UTP18: variants seen among roughly 807,000 people sequenced by gnomAD.
The protein encoded by UTP18 is UTP18 small subunit processome component, also known as U3 small nucleolar RNA-associated protein 18 homolog.
A neutral mutation model predicts 61.1 loss-of-function variants in UTP18; 36 were observed. That is an observed-to-expected ratio of 0.59 (90% CI 0.45 to 0.78). The LOEUF is 0.78. Ranked by LOEUF, UTP18 falls within the 30% of genes least tolerant of loss-of-function variation. UTP18 has a pLI of 0.00. For missense variants in UTP18, 753 were observed against 693.9 expected (o/e 1.09, Z -0.96); for synonymous variants, 282 against 251.1 (o/e 1.12, Z -1.16).
intron 5 of UTP18, among the ~76,000 whole-genome samples, chr17:51,275,121 C>G (rs1335864700): frequency 1.3e-5 from 2 of 150,434 alleles, no homozygotes; most frequent in African/African-American, 4.9e-5. Context: ...CACTTGAACC[C>G]AACAGGCAGA....
At chr17:51,287,434 A>C (rs1212215195) in intron 10 of UTP18, among the ~76,000 whole-genome samples, 2 of 152,188 alleles carry the variant, frequency 1.3e-5, no homozygotes, top group Non-Finnish European at 2.9e-5. Context: ...GTGGGGGAAT[A>C]AGCAAAGGAT....
At chr17:51,262,234 A>T (rs1262923333) in intron 1 of UTP18, among the ~76,000 whole-genome samples, 1 of 151,694 alleles carries the variant, frequency 6.6e-6, no homozygotes. Context: ...GGCGTGCGCC[A>T]CCACGCCTGG....
rs190837883 is a variant in UTP18, at chr17:51,297,625, A to G, written c.*15-157A>G. On this transcript the variant is annotated intron_variant, in intron 13 of 13. Transcript: ENST00000225298. ...AATGCAGATAGATTTAATTAGGACA[A>G]AGGATTTTTAAAGGTACAGGCATTT... Among the ~76,000 whole-genome samples, 3 of 152,334 alleles carry G rather than the reference A, an allele frequency of 2.0e-5. No individual in the cohort carries two copies. In the East Asian group the frequency reaches 5.8e-4, roughly 29 times the overall value.
Position 51,287,966 on chromosome 17 carries a change from A to G in UTP18, c.1329-63A>G, listed in dbSNP as rs1011927693. The G allele has an allele frequency of 3.2e-5, 41 of 1,272,370 alleles. No individual in the cohort carries two copies. In the South Asian group the frequency reaches 7.5e-4, roughly 23 times the overall value. 78.8% of individuals were successfully genotyped at this position (1,272,370 alleles called of 1,614,324 possible). On this transcript the variant is annotated intron_variant, in intron 10 of 13. Transcript: ENST00000225298. Reference sequence around the variant, plus strand: ...AGTTTGTGGGGTTAAATCTATATTCACTTAGGTTGTGAAAGCCCTTTTACT... The same window carrying G: ...AGTTTGTGGGGTTAAATCTATATTCGCTTAGGTTGTGAAAGCCCTTTTACT...
At position 51,280,411 on chromosome 17, in the gene UTP18, T is replaced by TC; in HGVS notation, c.1136_1137insC (p.Met379IlefsTer4). On this transcript the variant is annotated frameshift_variant, in exon 9 of 14. Coordinates refer to ENST00000225298, the MANE Select transcript of UTP18 (RefSeq NM_016001.3). LOFTEE classifies it high-confidence loss of function. The stretch of plus-strand genomic sequence containing the variant: ...TAGACCAAAGAACTGATTGGAAGCA[T>TC]GAAAATTAATGGAAGGGTTGCAGCA... 1.2e-6 allele frequency: 2 copies of TC among 1,614,178 alleles called. No individual in the cohort carries two copies.
intron 4 of UTP18, among the ~76,000 whole-genome samples, chr17:51,269,766 G>A (rs573448394): frequency 1.2e-3 from 180 of 152,206 alleles, no homozygotes; most frequent in Middle Eastern, 0.01. Flanking sequence ...GAATCTTAGT[G>A]ATGTGGCCTG....
intron 11 of UTP18, among the ~76,000 whole-genome samples, chr17:51,290,441 T>C (rs1281092009): frequency 2.0e-5 from 3 of 152,004 alleles, no homozygotes; most frequent in Non-Finnish European, 4.4e-5. Flanking sequence ...AACAACAAAA[T>C]GGTTTGCTGG....
intron 2 of UTP18, among the ~76,000 whole-genome samples, 175 bp from the exon 3 acceptor site, chr17:51,266,007 C>A (rs1216530648): frequency 6.6e-6 from 1 of 152,196 alleles, no homozygotes; most frequent in Non-Finnish European, 1.5e-5. Context: ...GAAATGTTGG[C>A]AACTACTTTT....
At position 51,268,828 on chromosome 17, in the gene UTP18, T is replaced by G; in HGVS notation, c.555-9T>G. Reference sequence around the variant, plus strand: ...GCCATAAATATATTTTTCAAATATTTTTGCTTAGATTCCAACATGCCATGG... The same window carrying G: ...GCCATAAATATATTTTTCAAATATTGTTGCTTAGATTCCAACATGCCATGG... On this transcript the variant is annotated splice_polypyrimidine_tract_variant and intron_variant, in intron 3 of 13. Coordinates refer to ENST00000225298, the MANE Select transcript of UTP18 (RefSeq NM_016001.3). 6.2e-7 allele frequency: 1 copy of G among 1,613,304 alleles called. No individual in the cohort carries two copies. The highest frequency in any genetic ancestry group is 8.5e-7 in the Non-Finnish European group (1 of 1,179,382).
At chr17:51,276,924 C>T (rs1175346061) in intron 6 of UTP18, among the ~76,000 whole-genome samples, 1 of 152,212 alleles carries the variant, frequency 6.6e-6, no homozygotes, top group Non-Finnish European at 1.5e-5. Context: ...AACCCAGAAG[C>T]TCTCTGAATA....
At chr17:51,262,421 AT>A (rs2144386814) in intron 1 of UTP18, among the ~76,000 whole-genome samples, 1 of 152,244 alleles carries the variant, frequency 6.6e-6, no homozygotes, top group African/African-American at 2.4e-5. Context: ...TATGGTATAA[AT>A]TTATAACTTT....
chr17:51,285,094 T>C (rs900298794), intron 9 of UTP18, 151 bp from the exon 10 acceptor site: 1 of 740,340 alleles, frequency 1.4e-6, no homozygotes, highest in Non-Finnish European at 2.1e-6. Flanking sequence ...AAAAGAAATA[T>C]TCTTAGTCCA....
intron 7 of UTP18, 37 bp from the exon 8 acceptor site, chr17:51,279,968 A>G: frequency 1.3e-6 from 2 of 1,516,818 alleles, no homozygotes; most frequent in Non-Finnish European, 1.8e-6. Flanking sequence ...TGAAAACTAT[A>G]TAAAACTTTA....
chr17:51,291,045 G>A (rs1052859717), intron 11 of UTP18, among the ~76,000 whole-genome samples: 2 of 152,180 alleles, frequency 1.3e-5, no homozygotes, highest in African/African-American at 4.8e-5. Context: ...TCAAGGATGA[G>A]CGAGCTTTTA....
At chr17:51,296,742 A>C in intron 12 of UTP18, 1 of 480,470 alleles carries the variant, frequency 2.1e-6, no homozygotes, top group Non-Finnish European at 3.7e-6. Context: ...TAGACCCCCC[A>C]TGTGAAACTT....
intron 7 of UTP18, among the ~76,000 whole-genome samples, 188 bp downstream of exon 7, chr17:51,277,492 T>C (rs190398967): frequency 2.4e-4 from 37 of 152,350 alleles, no homozygotes; most frequent in Admixed American, 2.4e-3. Context: ...ACTTTTTTAC[T>C]GAACACTTAC....
rs780858977 is a variant in UTP18, at chr17:51,277,293, A to G, written c.1001A>G (p.His334Arg). 1.9e-6 allele frequency: 3 copies of G among 1,614,028 alleles called. No homozygotes were observed. The highest frequency in any genetic ancestry group is 2.5e-6 in the Non-Finnish European group (3 of 1,179,950). The change falls in exon 7 of 14, where the codon CAT (histidine) becomes CGT (arginine). Residue 334 changes from histidine (H) to arginine (R), a missense_variant. Physicochemically the swap from His to Arg is conservative, Grantham distance 29. Coordinates refer to ENST00000225298, the MANE Select transcript of UTP18 (RefSeq NM_016001.3). The part of the protein sequence containing the change: ...DMLAGKLIPV[H>R]QVRGLKEKIV... ...CTGGCTGGAAAGTTAATTCCTGTGC[A>G]TCAAGTGAGAGGTAAGATTTCTGTT...
At chr17:51,265,505 C>T (rs1410816972) in intron 2 of UTP18, among the ~76,000 whole-genome samples, 15 of 151,138 alleles carry the variant, frequency 9.9e-5, no homozygotes, top group Non-Finnish European at 7.4e-5. Flanking sequence ...TTCAGTGATC[C>T]GCCTGTGTCT....
At chr17:51,288,429 C>T in intron 11 of UTP18, 1 of 523,040 alleles carries the variant, frequency 1.9e-6, no homozygotes. Flanking sequence ...TGTCCATTCT[C>T]ACCATTCCTA....
Sources: gnomAD v4.1 joint callset for allele counts (sites outside exome capture counted in the v4.1 genomes callset) on GRCh38, gnomAD v4.1.1 for gene constraint, MANE v1.5 for transcripts, NCBI Gene and HGNC (gene_info 2026-07-23, HGNC 2026-07-21) for gene names.